NTF3: variants seen among roughly 807,000 people sequenced by gnomAD.
The protein encoded by NTF3 is neurotrophin 3.
NTF3 carries 8 observed loss-of-function variants against 26.3 expected under a neutral mutation model. The ratio of observed to expected loss-of-function variants is 0.30; its 90% CI spans 0.18 to 0.55. The LOEUF (loss-of-function observed/expected upper bound fraction) is 0.55. NTF3 is among the 20% of genes least tolerant of loss of function. The pLI, the probability that NTF3 is intolerant of heterozygous loss-of-function variation, is 0.93. For synonymous variants in NTF3, 154 were observed against 145.5 expected (o/e 1.06, Z -0.42); for missense variants, 276 against 352.9 (o/e 0.78, Z 1.75).
rs759828601 is a variant in NTF3, at chr12:5,494,562, C to T, written c.387C>T (p.Pro129=). 22 of 1,614,144 alleles carry T rather than the reference C, an allele frequency of 1.4e-5. No individual in the cohort carries two copies. Among genetic ancestry groups the T allele is most frequent in the Non-Finnish European group, 1.8e-5 (21 of 1,180,040 alleles). ...LSDSTPLEPP[P]LYLMEDYVGS... Reference sequence around the variant, plus strand: ...ACAGCACCCCCTTGGAGCCCCCGCCCTTGTATCTCATGGAGGATTACGTGG... The same window carrying T: ...ACAGCACCCCCTTGGAGCCCCCGCCTTTGTATCTCATGGAGGATTACGTGG... Residue 129 remains proline (P), a synonymous_variant, in exon 2 of 2, where the codon CCC becomes CCT. Transcript: ENST00000423158. The surrounding 1 kb of genome is among the most constrained non-coding windows in gnomAD (Gnocchi z 8.3).
At chr12:5,436,276 G>A (rs543728247) in intron 1 of NTF3, among the ~76,000 whole-genome samples, 16 of 152,330 alleles carry the variant, frequency 1.1e-4, no homozygotes, top group South Asian at 2.1e-4. Context: ...TGAAGTTACA[G>A]CTGTGCCATT....
chr12:5,488,353 C>A (rs1012365448), intron 1 of NTF3, among the ~76,000 whole-genome samples: 30 of 152,218 alleles, frequency 2.0e-4, no homozygotes, highest in Admixed American at 3.9e-4. Context: ...TGAGCGTCAT[C>A]TGTGCATTTT....
At chr12:5,457,678 A>G (rs956503985) in intron 1 of NTF3, among the ~76,000 whole-genome samples, 1 of 152,182 alleles carries the variant, frequency 6.6e-6, no homozygotes, top group African/African-American at 2.4e-5. Flanking sequence ...CCCTATAGAT[A>G]CCCCAAATGT....
At chr12:5,440,783 G>A (rs755646555) in intron 1 of NTF3, among the ~76,000 whole-genome samples, 1 of 152,240 alleles carries the variant, frequency 6.6e-6, no homozygotes, top group Non-Finnish European at 1.5e-5. Flanking sequence ...CCCTACCAGT[G>A]TGACAGATCA....
intron 1 of NTF3, among the ~76,000 whole-genome samples, chr12:5,440,728 T>C (rs997688338): frequency 1.3e-5 from 2 of 152,212 alleles, no homozygotes; most frequent in African/African-American, 4.8e-5. Flanking sequence ...TGGGCCTCTT[T>C]TCCTGGAAAA....
chr12:5,490,081 G>C (rs1940916229), intron 1 of NTF3, among the ~76,000 whole-genome samples: 1 of 152,120 alleles, frequency 6.6e-6, no homozygotes, highest in Admixed American at 6.5e-5. Context: ...TAGAAAGGGG[G>C]TTCACTAAGG....
intron 1 of NTF3, among the ~76,000 whole-genome samples, chr12:5,455,868 T>A (rs1334432665): frequency 1.3e-5 from 2 of 152,032 alleles, no homozygotes; most frequent in Non-Finnish European, 2.9e-5. Context: ...CAGGGAGAAG[T>A]GTCAGGAGTG....
chr12:5,466,362 G>T (rs2121200565), intron 1 of NTF3, among the ~76,000 whole-genome samples: 1 of 152,294 alleles, frequency 6.6e-6, no homozygotes, highest in South Asian at 2.1e-4. Context: ...CAGTATAAAT[G>T]GATCTACAGC....
chr12:5,458,458 C>T (rs1940480889), intron 1 of NTF3, among the ~76,000 whole-genome samples: 2 of 152,216 alleles, frequency 1.3e-5, no homozygotes, highest in Admixed American at 6.5e-5. Flanking sequence ...AAGGCAGGAA[C>T]AATTCCCACT....
chr12:5,492,287 T>C (rs1457759102), intron 1 of NTF3, among the ~76,000 whole-genome samples: 1 of 152,244 alleles, frequency 6.6e-6, no homozygotes, highest in Non-Finnish European at 1.5e-5. Flanking sequence ...CTTGATTTAT[T>C]TCCTTAAGAG....
intron 1 of NTF3, among the ~76,000 whole-genome samples, chr12:5,450,385 C>T (rs1359946244): frequency 2.6e-5 from 4 of 152,206 alleles, no homozygotes; most frequent in African/African-American, 9.7e-5. Context: ...GGGGATTTCT[C>T]TGACTTCTTG....
chr12:5,442,358 T>A (rs1218011803), intron 1 of NTF3, among the ~76,000 whole-genome samples: 2 of 152,132 alleles, frequency 1.3e-5, no homozygotes, highest in Non-Finnish European at 2.9e-5. Flanking sequence ...GAGACCATTG[T>A]GATGGGAGCC....
chr12:5,441,652 G>T (rs113599855), intron 1 of NTF3, among the ~76,000 whole-genome samples: 1 of 152,196 alleles, frequency 6.6e-6, no homozygotes, highest in Non-Finnish European at 1.5e-5. Flanking sequence ...ACCTTGAATA[G>T]CGACAGCCAC....
rs1278621504 is a variant in NTF3 at position 5,440,008 on chromosome 12, T to C, written c.18+7666T>C. Among the ~76,000 whole-genome samples the C allele has an allele frequency of 4.6e-5, 7 of 152,288 alleles. No homozygotes were observed. In the East Asian group the frequency reaches 1.4e-3, roughly 29 times the overall value. On this transcript the variant is annotated intron_variant, in intron 1 of 1. Transcript: ENST00000423158. ...AGCCCTCCAGCTGAGGATTTGCCAC[T>C]GCACACCATTCTCTGGGCAGTACCA...
At chr12:5,431,686 T>C (rs1194618904), upstream of NTF3, among the ~76,000 whole-genome samples, 7 of 151,960 alleles carry the variant, frequency 4.6e-5, no homozygotes, top group African/African-American at 1.2e-4. Flanking sequence ...CCTGATGCCT[T>C]GTAAAGAAAA....
At position 5,494,901 on chromosome 12, in the gene NTF3, A is replaced by G. The variant is rs71532853; in HGVS notation, c.726A>G (p.Ser242=). 1.3e-3 allele frequency: 2,141 copies of G among 1,614,208 alleles called. 15 individuals are homozygous for G. In the African/African-American group the frequency reaches 0.018, roughly 14 times the overall value. The change falls in exon 2 of 2, where the codon TCA becomes TCG. Residue 242 remains serine, a synonymous_variant. Transcript: ENST00000423158. This position sits in a 1 kb window ranked among gnomAD's most constrained non-coding sequence, Gnocchi z 8.3. ...TSQTYVRALT[S]ENNKLVGWRW... is the part of the protein sequence containing the mutation. Reference sequence around the variant, plus strand: ...AAACCTACGTCCGAGCACTGACTTCAGAGAACAATAAACTCGTGGGCTGGC... The same window carrying G: ...AAACCTACGTCCGAGCACTGACTTCGGAGAACAATAAACTCGTGGGCTGGC...
chr12:5,432,157 C>G lies in NTF3; in HGVS notation c.-168C>G, dbSNP rs1471673387. On this transcript the variant is annotated 5_prime_UTR_variant, in exon 1 of 2. Coordinates refer to ENST00000423158, the MANE Select transcript of NTF3 (RefSeq NM_001102654.2). Reference sequence around the variant, plus strand: ...TTCCGAACAGCTCCGCGCACCGCCCCGCGACGCAGCCCGGCGCAACTACTT... The same window carrying G: ...TTCCGAACAGCTCCGCGCACCGCCCGGCGACGCAGCCCGGCGCAACTACTT... The G allele has an allele frequency of 2.6e-6, 2 of 772,186 alleles. No homozygotes were observed. Among genetic ancestry groups the G allele is most frequent in the African/African-American group, 3.4e-5 (2 of 58,518 alleles). The allele number at this position is 772,186 out of a possible 1,614,324, so 47.8% of individuals were successfully genotyped here.
intron 1 of NTF3, among the ~76,000 whole-genome samples, chr12:5,438,413 G>A (rs905265106): frequency 3.9e-5 from 6 of 152,160 alleles, no homozygotes; most frequent in Non-Finnish European, 5.9e-5. Context: ...AGAGCTTGCC[G>A]CAGCTTTGGT....
intron 1 of NTF3, among the ~76,000 whole-genome samples, chr12:5,437,378 G>A (rs1940180273): frequency 6.6e-6 from 1 of 152,240 alleles, no homozygotes; most frequent in Non-Finnish European, 1.5e-5. Context: ...CAGGCCAGCA[G>A]AGTTTAATTA....
Sources: allele counts gnomAD v4.1 joint callset (sites outside exome capture counted in the v4.1 genomes callset), GRCh38; gene constraint gnomAD v4.1.1; non-coding constraint Gnocchi (gnomAD v3.1); transcripts MANE v1.5; gene names NCBI Gene and HGNC (gene_info 2026-07-23, HGNC 2026-07-21).